The following CACNB2 variants were observed in gnomAD, a reference collection of about 807,000 sequenced individuals.
CACNB2 encodes voltage-dependent L-type calcium channel subunit beta-2.
CACNB2 carries 42 observed loss-of-function variants against 73.3 expected under a neutral mutation model. The observed-to-expected ratio is 0.57, with a 90% confidence interval of 0.45 to 0.74. CACNB2 has a LOEUF of 0.74. CACNB2 is among the 30% of genes least tolerant of loss of function. The pLI, the probability that CACNB2 is intolerant of heterozygous loss-of-function variation, is 0.00. For missense variants in CACNB2, 940 were observed against 853.0 expected, an observed-to-expected ratio of 1.10 and a Z score of -1.27; for synonymous variants, 348 against 310.3, an observed-to-expected ratio of 1.12 and a Z score of -1.28.
At chr10:18,504,045 T>C (rs1470886156) in intron 5 of CACNB2, among the ~76,000 whole-genome samples, 1 of 152,238 alleles carries the variant, frequency 6.6e-6, no homozygotes, top group Non-Finnish European at 1.5e-5. Flanking sequence ...CCTCTTCATA[T>C]AGAAACTGAG....
chr10:18,262,496 A>T (rs1034954178), intron 2 of CACNB2, among the ~76,000 whole-genome samples: 1 of 152,192 alleles, frequency 6.6e-6, no homozygotes, highest in African/African-American at 2.4e-5. Flanking sequence ...TCAATGGAGG[A>T]GTCAGGTAGC....
intron 2 of CACNB2, among the ~76,000 whole-genome samples, chr10:18,177,192 C>G (rs1283660260): frequency 1.3e-5 from 2 of 152,108 alleles, no homozygotes; most frequent in African/African-American, 4.8e-5. Flanking sequence ...CAAAAAGTGA[C>G]TGAAGCAGAT....
At chr10:18,223,530 G>C (rs1305555134) in intron 2 of CACNB2, among the ~76,000 whole-genome samples, 1 of 152,108 alleles carries the variant, frequency 6.6e-6, no homozygotes, top group Admixed American at 6.5e-5. Context: ...TAAAAATGTA[G>C]TAGTTTTTAA....
intron 2 of CACNB2, among the ~76,000 whole-genome samples, chr10:18,188,238 G>A (rs2034240262): frequency 6.6e-6 from 1 of 151,278 alleles, no homozygotes; most frequent in South Asian, 2.1e-4. Flanking sequence ...CTGCCTGCCT[G>A]CCTGCCTACC....
chr10:18,510,478 T>C (rs1564632856), intron 6 of CACNB2, among the ~76,000 whole-genome samples: 1 of 152,118 alleles, frequency 6.6e-6, no homozygotes, highest in East Asian at 1.9e-4. Context: ...AATCTTTGTA[T>C]TGTTAGTAGA....
Position 18,226,642 on chromosome 10 carries a change from G to A in CACNB2, c.213+75667G>A, listed in dbSNP as rs551827705. Among the ~76,000 whole-genome samples the A allele has an allele frequency of 6.6e-5, 10 of 152,282 alleles. No homozygotes were observed. The South Asian group carries it at 1.9e-3, about 28-fold the overall frequency. On this transcript the variant is annotated intron_variant, in intron 2 of 13. Coordinates refer to ENST00000324631, the MANE Select transcript of CACNB2 (RefSeq NM_201596.3). ...AGCGTGTGGCCGTATGATCACTAATGAATTAACTCAATCAATATCAATTGA... is the reference window on the plus strand; with the variant it reads ...AGCGTGTGGCCGTATGATCACTAATAAATTAACTCAATCAATATCAATTGA...
intron 2 of CACNB2, among the ~76,000 whole-genome samples, chr10:18,293,229 A>C (rs1197445379): frequency 6.6e-6 from 1 of 152,176 alleles, no homozygotes; most frequent in Admixed American, 6.5e-5. Flanking sequence ...TTAATAATGG[A>C]TACTTTTTGT....
chr10:18,208,499 C>T (rs1009373053), intron 2 of CACNB2, among the ~76,000 whole-genome samples: 1 of 151,950 alleles, frequency 6.6e-6, no homozygotes, highest in Non-Finnish European at 1.5e-5. Context: ...GTGGTCCCAG[C>T]TACTTGGCAA....
chr10:18,146,149 C>T (rs1306676504), intron 1 of CACNB2, among the ~76,000 whole-genome samples: 1 of 152,098 alleles, frequency 6.6e-6, no homozygotes, highest in East Asian at 1.9e-4. Flanking sequence ...TTACCCTTAG[C>T]TTATTCACAC....
chr10:18,253,758 T>C (rs1193459835), intron 2 of CACNB2, among the ~76,000 whole-genome samples: 1 of 152,202 alleles, frequency 6.6e-6, no homozygotes, highest in African/African-American at 2.4e-5. Context: ...CTCTACTCAG[T>C]GCTTCTCCTT....
intron 2 of CACNB2, among the ~76,000 whole-genome samples, chr10:18,222,043 A>G (rs1160463519): frequency 1.3e-5 from 2 of 152,208 alleles, no homozygotes; most frequent in Non-Finnish European, 2.9e-5. Context: ...AAAGGCAGTG[A>G]TATCAGTAGT....
At chr10:18,339,493 C>T (rs1015995853) in intron 2 of CACNB2, among the ~76,000 whole-genome samples, 2 of 152,092 alleles carry the variant, frequency 1.3e-5, no homozygotes, top group Non-Finnish European at 2.9e-5. Context: ...TGCACTACAG[C>T]CCGGGCAACA....
intron 2 of CACNB2, among the ~76,000 whole-genome samples, chr10:18,353,714 T>A (rs900552894): frequency 1.3e-5 from 2 of 152,216 alleles, no homozygotes; most frequent in Non-Finnish European, 2.9e-5. Flanking sequence ...CAATCCAATT[T>A]GAGAGTATAA....
intron 2 of CACNB2, among the ~76,000 whole-genome samples, chr10:18,379,841 C>G (rs1828357064): frequency 6.6e-6 from 1 of 152,138 alleles, no homozygotes; most frequent in Non-Finnish European, 1.5e-5. Context: ...CATGCACCAC[C>G]TCGCCTGGCT....
At chr10:18,196,978 C>T (rs1449360791) in intron 2 of CACNB2, among the ~76,000 whole-genome samples, 2 of 151,978 alleles carry the variant, frequency 1.3e-5, no homozygotes, top group Non-Finnish European at 1.5e-5. Context: ...CTCCTCTCCC[C>T]TCCTCTCCTC....
chr10:18,480,265 C>T (rs2048654562), intron 3 of CACNB2, among the ~76,000 whole-genome samples: 1 of 122,938 alleles, frequency 8.1e-6, no homozygotes, highest in Non-Finnish European at 1.8e-5. Context: ...TCACAATTCA[C>T]TTTTAATTGT....
intron 1 of CACNB2, among the ~76,000 whole-genome samples, chr10:18,144,443 C>T (rs2030756821): frequency 6.6e-6 from 1 of 152,174 alleles, no homozygotes; most frequent in African/African-American, 2.4e-5. Flanking sequence ...CTTGAAAGTC[C>T]CCATTTAAGA....
intron 13 of CACNB2, among the ~76,000 whole-genome samples, chr10:18,538,676 T>TTAAC (rs2053849571): frequency 6.6e-6 from 1 of 152,306 alleles, no homozygotes. Flanking sequence ...GGCAAATTTC[T>TTAAC]TAACTGTTCT....
At chr10:18,213,547 T>G (rs758953612) in intron 2 of CACNB2, among the ~76,000 whole-genome samples, 6 of 152,212 alleles carry the variant, frequency 3.9e-5, no homozygotes, top group Non-Finnish European at 5.9e-5. Context: ...GTTTCTTGAC[T>G]ATTTTTCCTA....
Sources: allele counts gnomAD v4.1 joint callset (sites outside exome capture counted in the v4.1 genomes callset), GRCh38; gene constraint gnomAD v4.1.1; transcripts MANE v1.5; gene names NCBI Gene and HGNC (gene_info 2026-07-23, HGNC 2026-07-21).